CIT: variants seen among roughly 807,000 people sequenced by gnomAD.
CIT encodes citron rho-interacting serine/threonine kinase.
A neutral mutation model predicts 272.7 loss-of-function variants in CIT; 79 were observed. The observed-to-expected ratio is 0.29, with a 90% CI of 0.24 to 0.35. The LOEUF (loss-of-function observed/expected upper bound fraction) is 0.35, where lower values mean the gene tolerates loss of function less well. Among genes scored for constraint, CIT ranks in the 10% least tolerant of loss-of-function variants. The pLI is 1.00. For synonymous variants in CIT, 948 were observed against 995.6 expected, an observed-to-expected ratio of 0.95 and a Z score of 0.90; for missense variants, 1,909 against 2,618.3, an observed-to-expected ratio of 0.73 and a Z score of 5.91.
Position 119,721,446 on chromosome 12 carries a change from C to G in CIT, c.3595G>C (p.Ala1199Pro). The change falls in exon 29 of 48, where the codon GCC becomes CCC. Residue 1199 changes from alanine (A) to proline (P), a missense_variant. Ala to Pro is a conservative substitution (Grantham distance 27, BLOSUM62 -1). This residue lies in a region of CIT where 530 missense variants were observed against 822.4 expected (regional missense o/e 0.64). Transcript: ENST00000392521. Reference protein sequence around the residue: ...ELKQRLLEEQAKLQQQMDLQK... With the variant: ...ELKQRLLEEQPKLQQQMDLQK... ...AGGTCCATCTGCTGCTGTAATTTGG[C>G]TTGCTAGTGGGGAGAAGGGCCAGGG... The G allele has an allele frequency of 6.2e-7, 1 of 1,604,546 alleles. No individual in the cohort carries two copies. Among genetic ancestry groups the G allele is most frequent in the Non-Finnish European group, 8.5e-7 (1 of 1,172,318 alleles).
At chr12:119,780,384 C>A (rs1440551494) in intron 13 of CIT, among the ~76,000 whole-genome samples, 5 of 152,026 alleles carry the variant, frequency 3.3e-5, no homozygotes, top group Admixed American at 3.3e-4. Flanking sequence ...TTTGGGAGGC[C>A]AAGGCGGGCA....
intron 40 of CIT, among the ~76,000 whole-genome samples, chr12:119,707,536 CCT>C (rs1285841015): frequency 1.3e-5 from 2 of 151,502 alleles, no homozygotes; most frequent in African/African-American, 4.8e-5. Context: ...TTTTTTTTTC[CCT>C]GTCACCAGGC....
Position 119,770,719 on chromosome 12 carries a change from T to C in CIT, c.2208+66A>G, listed in dbSNP as rs1014086035. The stretch of plus-strand genomic sequence containing the variant: ...TATTGTGGCGGTTAATTCTTCTTCT[T>C]ACCCCCTTCCCTTTGCAAACTCTAA... On this transcript the variant is annotated intron_variant, in intron 18 of 47. Transcript: ENST00000392521. This position sits in a 1 kb window ranked among gnomAD's most constrained non-coding sequence, Gnocchi z 4.4. 5.7e-5 allele frequency: 90 copies of C among 1,588,464 alleles called. No homozygotes were observed. The highest frequency in any genetic ancestry group is 7.6e-5 in the Non-Finnish European group (88 of 1,161,544).
At chr12:119,726,373 C>T (rs1447315759) in intron 28 of CIT, among the ~76,000 whole-genome samples, 4 of 149,116 alleles carry the variant, frequency 2.7e-5, no homozygotes, top group Non-Finnish European at 4.4e-5. Context: ...TGCACACCAC[C>T]ACACTTGGCT....
intron 3 of CIT, among the ~76,000 whole-genome samples, chr12:119,862,283 C>T (rs1442429846): frequency 6.6e-6 from 1 of 152,160 alleles, no homozygotes; most frequent in African/African-American, 2.4e-5. Context: ...GCGTGAGCCA[C>T]TACACCTGGC....
intron 10 of CIT, among the ~76,000 whole-genome samples, chr12:119,800,652 G>A (rs1419695476): frequency 6.6e-6 from 1 of 152,162 alleles, no homozygotes; most frequent in African/African-American, 2.4e-5. Context: ...TAACAGCACA[G>A]GTAATCAATG....
intron 4 of CIT, among the ~76,000 whole-genome samples, chr12:119,853,743 G>A (rs1443144237): frequency 6.6e-6 from 1 of 152,060 alleles, no homozygotes; most frequent in Non-Finnish European, 1.5e-5. Context: ...TCCTTCTTTT[G>A]TCTGGCACAT....
intron 28 of CIT, among the ~76,000 whole-genome samples, chr12:119,724,109 C>A (rs113900540): frequency 1.3e-5 from 2 of 151,890 alleles, no homozygotes; most frequent in African/African-American, 4.8e-5. Flanking sequence ...TAGGGAGACG[C>A]CGTCTCTACA....
intron 2 of CIT, among the ~76,000 whole-genome samples, chr12:119,872,702 T>C (rs1950717457): frequency 6.6e-6 from 1 of 152,200 alleles, no homozygotes; most frequent in Admixed American, 6.5e-5. Context: ...CAACCAAAGA[T>C]GGAGTCTGAT....
Position 119,701,948 on chromosome 12 carries a change from G to A in CIT, c.5315C>T (p.Thr1772Ile). Residue 1772 changes from threonine (T) to isoleucine (I), a missense_variant, in exon 42 of 48, where the codon ACC becomes ATC. Around this residue, in one of 8 missense-constraint regions of CIT, gnomAD observed 780 missense variants for 1,067.2 expected, o/e 0.73. Coordinates refer to ENST00000392521, the MANE Select transcript of CIT (RefSeq NM_001206999.2). Reference sequence around the variant, plus strand: ...GTGGATACAGCTGCAGGGCTCTGAGGTCTCTATCTCCTGAGACATGAGAGC... The same window carrying A: ...GTGGATACAGCTGCAGGGCTCTGAGATCTCTATCTCCTGAGACATGAGAGC... The part of the protein sequence containing the change: ...SKYCIRKEIE[T>I]SEPCSCIHFT... The A allele has an allele frequency of 6.2e-7, 1 of 1,612,354 alleles. No individual in the cohort carries two copies. The highest frequency in any genetic ancestry group is 8.5e-7 in the Non-Finnish European group (1 of 1,178,476).
intron 12 of CIT, 169 bp from the exon 13 acceptor site, chr12:119,782,806 A>T: frequency 1.4e-6 from 1 of 690,230 alleles, no homozygotes; most frequent in Non-Finnish European, 2.3e-6. Flanking sequence ...ATCCTGTAAA[A>T]CCCCTTGGTT....
intron 13 of CIT, chr12:119,782,266 C>A: frequency 3.3e-6 from 1 of 306,518 alleles, no homozygotes; most frequent in Non-Finnish European, 6.0e-6. Context: ...TCTAAACCTA[C>A]ATCTTTATTT....
chr12:119,780,619 A>G (rs1964202100), intron 13 of CIT, among the ~76,000 whole-genome samples: 1 of 152,216 alleles, frequency 6.6e-6, no homozygotes, highest in Non-Finnish European at 1.5e-5. Flanking sequence ...TCCATCTCAA[A>G]AAAATAAAGA....
intron 4 of CIT, among the ~76,000 whole-genome samples, chr12:119,851,424 T>C (rs1970216572): frequency 1.3e-5 from 2 of 152,158 alleles, no homozygotes; most frequent in South Asian, 4.1e-4. Context: ...TAAACACCAT[T>C]GTCCACTGAA....
chr12:119,721,400 C>T lies in CIT; in HGVS notation c.3641G>A (p.Arg1214His), dbSNP rs202089378. Reference protein sequence around the residue: ...QMDLQKNHIFRLTQGLQEALD... With the variant: ...QMDLQKNHIFHLTQGLQEALD... ...AGCTTCTTGCAGTCCTTGAGTCAGA[C>T]GGAAAATGTGATTTTTCTGCAGGTC... The change falls in exon 29 of 48, where the codon CGT becomes CAT. Residue 1214 changes from arginine (R) to histidine (H), a missense_variant. Around this residue, in one of 8 missense-constraint regions of CIT, gnomAD observed 530 missense variants for 822.4 expected, o/e 0.64. Transcript: ENST00000392521. 5.8e-5 allele frequency: 93 copies of T among 1,611,118 alleles called. No homozygotes were observed. The highest frequency in any genetic ancestry group is 6.7e-5 in the Non-Finnish European group (79 of 1,177,672).
At chr12:119,773,042 G>T in intron 16 of CIT, 132 bp from the exon 17 acceptor site, 2 of 833,812 alleles carry the variant, frequency 2.4e-6, no homozygotes, top group South Asian at 3.5e-5. Context: ...GATAGTGACA[G>T]TGTCCTAAAT....
intron 41 of CIT, among the ~76,000 whole-genome samples, chr12:119,702,484 G>A (rs1276046976): frequency 2.6e-5 from 4 of 152,018 alleles, no homozygotes; most frequent in African/African-American, 4.8e-5. Context: ...TCAGGAGTTC[G>A]AGACCAGTGT....
intron 44 of CIT, chr12:119,699,677 G>A (rs1046938699): frequency 1.3e-5 from 5 of 397,466 alleles, no homozygotes; most frequent in Admixed American, 2.8e-5. Context: ...CACTCATTGC[G>A]TGCCATGTTT....
chr12:119,779,637 C>T (rs188380026), intron 13 of CIT, among the ~76,000 whole-genome samples: 113 of 152,216 alleles, frequency 7.4e-4, no homozygotes, highest in African/African-American at 2.5e-3. Context: ...GAATTTATGT[C>T]GGCGAGAAGG....
Sources: gnomAD v4.1 joint callset for allele counts (sites outside exome capture counted in the v4.1 genomes callset) on GRCh38, gnomAD v4.1.1 for gene constraint, gnomAD v4.1.1 regional missense constraint, Gnocchi (gnomAD v3.1) non-coding constraint, MANE v1.5 for transcripts, NCBI Gene and HGNC (gene_info 2026-07-23, HGNC 2026-07-21) for gene names.